FHOD3: variants seen among roughly 807,000 people sequenced by gnomAD.
FHOD3 encodes the protein FH1/FH2 domain-containing protein 3.
Under a neutral mutation model 173.0 loss-of-function variants are expected in FHOD3, and 90 were observed. The observed-to-expected ratio is 0.52, with a 90% CI of 0.44 to 0.62. FHOD3 has a LOEUF of 0.62. Among genes scored for constraint, FHOD3 ranks in the 20% least tolerant of loss-of-function variants. The pLI is 0.00. For synonymous variants in FHOD3, 828 were observed against 823.0 expected (o/e 1.01, Z -0.10); for missense variants, 1,945 against 2,034.7 (o/e 0.96, Z 0.85).
chr18:36,671,171 A>G (rs950284455), intron 14 of FHOD3, among the ~76,000 whole-genome samples: 5 of 152,162 alleles, frequency 3.3e-5, no homozygotes, highest in African/African-American at 1.2e-4. Context: ...CTCTGTATAG[A>G]CCCTTTCTGG....
chr18:36,495,233 GC>G (rs964682364), intron 3 of FHOD3, among the ~76,000 whole-genome samples: 4 of 152,074 alleles, frequency 2.6e-5, no homozygotes, highest in African/African-American at 9.7e-5. Context: ...GAGCCACTGT[GC>G]CCGGCCTTTT....
chr18:36,655,995 G>A (rs995595313), intron 13 of FHOD3, among the ~76,000 whole-genome samples: 1 of 152,190 alleles, frequency 6.6e-6, no homozygotes, highest in African/African-American at 2.4e-5. Context: ...GGTGGGAAGG[G>A]AATTGTTTTA....
chr18:36,389,567 C>T (rs1238887064), intron 3 of FHOD3, among the ~76,000 whole-genome samples: 3 of 152,132 alleles, frequency 2.0e-5, no homozygotes, highest in South Asian at 4.2e-4. Context: ...TCTCAGTGGA[C>T]GTACATAATT....
chr18:36,427,624 G>T (rs1193487838), intron 3 of FHOD3, among the ~76,000 whole-genome samples: 1 of 152,116 alleles, frequency 6.6e-6, no homozygotes, highest in Admixed American at 6.6e-5. Context: ...TTTAATAATG[G>T]GTTGCAACCA....
chr18:36,628,547 T>G (rs1307315011), intron 10 of FHOD3, among the ~76,000 whole-genome samples: 1 of 152,204 alleles, frequency 6.6e-6, no homozygotes, highest in Non-Finnish European at 1.5e-5. Flanking sequence ...GAACTCAGAT[T>G]TGTTTGCTTT....
chr18:36,346,227 G>T (rs557442467), intron 1 of FHOD3, among the ~76,000 whole-genome samples: 1 of 152,110 alleles, frequency 6.6e-6, no homozygotes, highest in Non-Finnish European at 1.5e-5. Context: ...TTAGCCAGAC[G>T]TGGTAACGCA....
chr18:36,529,521 TA>T (rs1718409329), intron 5 of FHOD3, among the ~76,000 whole-genome samples: 1 of 152,122 alleles, frequency 6.6e-6, no homozygotes, highest in African/African-American at 2.4e-5. Flanking sequence ...TTTACAGATG[TA>T]AAAAGGTTAA....
chr18:36,639,265 G>T (rs914372240), intron 10 of FHOD3, among the ~76,000 whole-genome samples: 1 of 152,138 alleles, frequency 6.6e-6, no homozygotes, highest in Non-Finnish European at 1.5e-5. Flanking sequence ...AATATTGGCC[G>T]GCGTGGTGGC....
At chr18:36,719,815 A>C (rs1232838014) in intron 19 of FHOD3, among the ~76,000 whole-genome samples, 1 of 152,168 alleles carries the variant, frequency 6.6e-6, no homozygotes, top group African/African-American at 2.4e-5. Flanking sequence ...TGACAGAGTT[A>C]GTGCCTGTCA....
rs1384701749 is a variant in FHOD3 at position 36,350,810 on chromosome 18, T to A, written c.166-4729T>A. 3.9e-5 allele frequency among the ~76,000 whole-genome samples: 6 copies of A among 152,370 alleles called. No homozygotes were observed. In the East Asian group the frequency reaches 7.7e-4, roughly 20 times the overall value. On this transcript the variant is annotated intron_variant, in intron 1 of 28. Transcript: ENST00000590592. Reference sequence around the variant, plus strand: ...ATCACCACTCACTGTCTATTCATATTGTTTTTAGTTCTTCGGAAAGTTTAT... The same window carrying A: ...ATCACCACTCACTGTCTATTCATATAGTTTTTAGTTCTTCGGAAAGTTTAT...
chr18:36,770,807 CT>C (rs1375996312), intron 28 of FHOD3, among the ~76,000 whole-genome samples: 5 of 152,210 alleles, frequency 3.3e-5, no homozygotes, highest in Admixed American at 1.3e-4. Flanking sequence ...ACACACACTA[CT>C]TCAGAACCTC....
At position 36,709,273 on chromosome 18, in the gene FHOD3, G is replaced by A; in HGVS notation, c.2415G>A (p.Glu805=). 1 of 1,614,268 alleles carries A rather than the reference G, an allele frequency of 6.2e-7. No homozygotes were observed. Among genetic ancestry groups the A allele is most frequent in the Non-Finnish European group, 8.5e-7 (1 of 1,180,054 alleles). The change falls in exon 18 of 29, where the codon GAG becomes GAA. Residue 805 remains glutamate (E), a synonymous_variant. Coordinates refer to ENST00000590592, the MANE Select transcript of FHOD3 (RefSeq NM_001281740.3). ...PEERASLSEK[E]RQNEGVNERD... ...AAAGAGCCTCCCTCAGTGAAAAAGA[G>A]AGGCAGAACGAGGGGGTGAACGAGA...
intron 2 of FHOD3, among the ~76,000 whole-genome samples, chr18:36,360,747 G>T (rs2046567269): frequency 6.6e-6 from 1 of 152,142 alleles, no homozygotes; most frequent in Non-Finnish European, 1.5e-5. Context: ...GGATTTTGGT[G>T]GGGAGGTATT....
chr18:36,601,937 C>T (rs713578), intron 7 of FHOD3, among the ~76,000 whole-genome samples: 36,800 of 152,098 alleles, frequency 0.24, 5,064 homozygotes, highest in East Asian at 0.36. Context: ...CATAAGCCTT[C>T]GCCTGCAGAG....
Position 36,568,499 on chromosome 18 carries a change from C to T in FHOD3, c.512-7952C>T, listed in dbSNP as rs537549946. Among the ~76,000 whole-genome samples the T allele has an allele frequency of 3.3e-5, 5 of 152,122 alleles. No homozygotes were observed. In the South Asian group the frequency reaches 8.3e-4, roughly 25 times the overall value. Reference sequence around the variant, plus strand: ...TGAAAGTTTTATGTGAACCCCTGGGCTCCACACAGACTGCATGCATGAATC... The same window carrying T: ...TGAAAGTTTTATGTGAACCCCTGGGTTCCACACAGACTGCATGCATGAATC... On this transcript the variant is annotated intron_variant, in intron 5 of 28. Transcript: ENST00000590592.
intron 1 of FHOD3, among the ~76,000 whole-genome samples, chr18:36,309,456 C>G (rs2092194544): frequency 6.6e-6 from 1 of 152,222 alleles, no homozygotes; most frequent in African/African-American, 2.4e-5. Flanking sequence ...ACCGTGGAGG[C>G]TCTGCGTAGG....
At chr18:36,638,147 C>A (rs868025007) in intron 10 of FHOD3, among the ~76,000 whole-genome samples, 1 of 152,142 alleles carries the variant, frequency 6.6e-6, no homozygotes, top group South Asian at 2.1e-4. Context: ...TTAAAAATAG[C>A]AAAAACTCTT....
At chr18:36,661,488 C>G (rs1204120229) in intron 14 of FHOD3, among the ~76,000 whole-genome samples, 1 of 151,948 alleles carries the variant, frequency 6.6e-6, no homozygotes, top group Non-Finnish European at 1.5e-5. Flanking sequence ...GTGATCATAC[C>G]CCTGACTAAT....
At chr18:36,596,275 C>T (rs1290512592) in intron 7 of FHOD3, among the ~76,000 whole-genome samples, 1 of 151,600 alleles carries the variant, frequency 6.6e-6, no homozygotes, top group African/African-American at 2.4e-5. Context: ...CTGCCTCAGC[C>T]TCCCGAGTGG....
Sources: gnomAD v4.1 joint callset for allele counts (sites outside exome capture counted in the v4.1 genomes callset) on GRCh38, gnomAD v4.1.1 for gene constraint, MANE v1.5 for transcripts, NCBI Gene and HGNC (gene_info 2026-07-23, HGNC 2026-07-21) for gene names.